ACSL4: variants seen among roughly 807,000 people sequenced by gnomAD.
ACSL4 encodes long-chain-fatty-acid--CoA ligase 4.
ACSL4 carries 9 observed loss-of-function variants against 49.1 expected under a neutral mutation model. The ratio of observed to expected loss-of-function variants is 0.18; its 90% CI spans 0.11 to 0.32. ACSL4 has a LOEUF of 0.32. Among genes scored for constraint, ACSL4 ranks in the 10% least tolerant of loss-of-function variants. The pLI, the probability that ACSL4 is intolerant of heterozygous loss-of-function variation, is 1.00. For missense variants in ACSL4, 333 were observed against 493.7 expected, an observed-to-expected ratio of 0.67 and a Z score of 3.08; for synonymous variants, 191 against 170.3, an observed-to-expected ratio of 1.12 and a Z score of -0.95.
Position 109,665,567 on chromosome X carries a change from G to A in ACSL4, c.1316-73C>T. The A allele has an allele frequency of 1.0e-5, 9 of 893,296 alleles. No individual in the cohort carries two copies. The South Asian group carries it at 1.8e-4, about 18-fold the overall frequency. 73.6% of individuals were successfully genotyped at this position (893,296 alleles called of 1,213,427 possible). ...TTGTACCAATGCACTGGGAATATTA[G>A]AGTTAGAACCAGAGTCAGAAAAATG... On this transcript the variant is annotated intron_variant, in intron 11 of 15. Transcript: ENST00000672401.
Position 109,644,036 on chromosome X carries a change from C to G in ACSL4, c.2006G>C (p.Gly669Ala). The G allele has an allele frequency of 2.5e-6, 3 of 1,211,297 alleles. No individual in the cohort carries two copies. The South Asian group carries it at 5.3e-5, about 21-fold the overall frequency. ...YLKDIERMYG[G>A]K ...CAATAAGACAACAACATTTTATTTG[C>G]CCCCATACATTCGTTCAATGTCTTT... Residue 669 changes from glycine (G) to alanine (A), a missense_variant, in exon 16 of 16, where the codon GGC (glycine) becomes GCC (alanine). By Grantham distance (60) the Gly-to-Ala change is moderately conservative. Around this residue, in one of 3 missense-constraint regions of ACSL4, gnomAD observed 175 missense variants for 275.8 expected, o/e 0.63. Transcript: ENST00000672401.
In ACSL4 at chrX:109,644,048, C is replaced by T. The variant is rs1934531273; in HGVS notation, c.1994G>A (p.Arg665Gln). The change falls in exon 16 of 16, where the codon CGA becomes CAA. Residue 665 changes from arginine to glutamine, a missense_variant. Coordinates refer to ENST00000672401, the MANE Select transcript of ACSL4 (RefSeq NM_001318510.2). ...AACATTTTATTTGCCCCCATACATT[C>T]GTTCAATGTCTTTGAGGTAATGGTT... ...LRNHYLKDIERMYGGK is the reference protein window; with the variant it reads ...LRNHYLKDIEQMYGGK The T allele has an allele frequency of 8.3e-7, 1 of 1,211,445 alleles. No individual in the cohort carries two copies. The highest frequency in any genetic ancestry group is 1.1e-6 in the Non-Finnish European group (1 of 895,292).
At chrX:109,715,233 G>C (rs1030407503) in intron 1 of ACSL4, among the ~76,000 whole-genome samples, 1 of 112,470 alleles carries the variant, frequency 8.9e-6, no homozygotes, top group African/African-American at 3.2e-5. Flanking sequence ...AAATTCCTTA[G>C]TTTAGTTAAT....
At chrX:109,672,652 A>T (rs777262507) in intron 9 of ACSL4, among the ~76,000 whole-genome samples, 1 of 109,476 alleles carries the variant, frequency 9.1e-6, no homozygotes, top group African/African-American at 3.3e-5. Flanking sequence ...TTTTTTTTTT[A>T]AATGGCCTAT....
chrX:109,653,109 G>A (rs1349734769), intron 15 of ACSL4, among the ~76,000 whole-genome samples: 3 of 111,383 alleles, frequency 2.7e-5, no homozygotes, highest in African/African-American at 9.8e-5. Flanking sequence ...AATATAAGCC[G>A]GTTCAGTTTT....
At chrX:109,658,175 T>C (rs1373689321) in intron 15 of ACSL4, among the ~76,000 whole-genome samples, 1 of 111,745 alleles carries the variant, frequency 8.9e-6, no homozygotes, top group East Asian at 2.8e-4. Flanking sequence ...GTATTTACCT[T>C]GTCGCTTCAG....
intron 11 of ACSL4, 26 bp from the exon 12 acceptor site, chrX:109,665,520 A>G: frequency 1.8e-6 from 2 of 1,109,590 alleles, no homozygotes; most frequent in Non-Finnish European, 2.5e-6. Context: ...TAACAGAGAT[A>G]TTAGCATACC....
intron 1 of ACSL4, among the ~76,000 whole-genome samples, chrX:109,723,578 T>C (rs936038163): frequency 8.9e-6 from 1 of 112,196 alleles, no homozygotes; most frequent in Non-Finnish European, 1.9e-5. Flanking sequence ...TTTTTTTATT[T>C]AATAACTCAA....
At chrX:109,696,816 G>GCCTTGAATC (rs1245539581) in intron 1 of ACSL4, among the ~76,000 whole-genome samples, 2 of 112,916 alleles carry the variant, frequency 1.8e-5, no homozygotes, top group Non-Finnish European at 1.9e-5. Flanking sequence ...ACCAAGGCAG[G>GCCTTGAATC]CAGATACCTT....
chrX:109,713,656 G>T (rs1477964160), intron 1 of ACSL4, among the ~76,000 whole-genome samples: 1 of 111,609 alleles, frequency 9.0e-6, no homozygotes, highest in Non-Finnish European at 1.9e-5. Flanking sequence ...CCACTGTAAT[G>T]ATAAGAGTGT....
At chrX:109,657,330 TA>T (rs1921752174) in intron 15 of ACSL4, among the ~76,000 whole-genome samples, 1 of 111,111 alleles carries the variant, frequency 9.0e-6, no homozygotes, top group African/African-American at 3.3e-5. Flanking sequence ...CCTCATCATT[TA>T]ACATTAGGTA....
chrX:109,704,516 C>T (rs1333311791), intron 1 of ACSL4, among the ~76,000 whole-genome samples: 1 of 111,615 alleles, frequency 9.0e-6, no homozygotes, highest in Non-Finnish European at 1.9e-5. Flanking sequence ...ACTGCAAGCA[C>T]ACAAATTTCA....
intron 15 of ACSL4, among the ~76,000 whole-genome samples, chrX:109,646,585 C>T (rs1934715024): frequency 9.3e-6 from 1 of 107,980 alleles, no homozygotes; most frequent in Non-Finnish European, 1.9e-5. Flanking sequence ...ATGTAAAGAC[C>T]ATTGAGACTA....
rs1922186178 is a variant in ACSL4, at chrX:109,661,637, T to C, written c.1591A>G (p.Lys531Glu). Residue 531 changes from lysine (K) to glutamate (E), a missense_variant, in exon 14 of 16, where the codon AAA becomes GAA. By Grantham distance (56) the Lys-to-Glu change is moderately conservative (BLOSUM62 1). This residue lies in a region of ACSL4 where 175 missense variants were observed against 275.8 expected (regional missense o/e 0.63). Coordinates refer to ENST00000672401, the MANE Select transcript of ACSL4 (RefSeq NM_001318510.2). ...DGCLQIIDRK[K>E]DLVKLQAGEY... is the part of the protein sequence containing the mutation. ...CCTGCTTGTAACTTCACTAGATCTT[T>C]CTTACGATCTGTTAAGTCATAAAGA... The C allele has an allele frequency of 8.6e-7, 1 of 1,163,564 alleles. No homozygotes were observed. The highest frequency in any genetic ancestry group is 2.2e-5 in the Admixed American group (1 of 45,453).
At chrX:109,698,920 C>T (rs1925653735) in intron 1 of ACSL4, among the ~76,000 whole-genome samples, 1 of 112,560 alleles carries the variant, frequency 8.9e-6, no homozygotes, top group African/African-American at 3.2e-5. Flanking sequence ...ATTTTGAAAA[C>T]ATTCTTCCAC....
Position 109,663,239 on chromosome X carries a change from G to A in ACSL4, c.1554C>T (p.Phe518=), listed in dbSNP as rs1299998178. The A allele has an allele frequency of 2.5e-6, 3 of 1,208,069 alleles. No individual in the cohort carries two copies. The Admixed American group carries it at 6.6e-5, about 26-fold the overall frequency. ...TAATCTGTAAACATCCATCGGGATG[G>A]AATTCTCCAATATCACCAGTGCAAA... The part of the protein sequence containing the change: ...RWFCTGDIGE[F]HPDGCLQIID... The change falls in exon 13 of 16, where the codon TTC becomes TTT. Residue 518 remains phenylalanine (F), a synonymous_variant. Transcript: ENST00000672401.
At chrX:109,658,305 A>G (rs1372877448) in intron 15 of ACSL4, among the ~76,000 whole-genome samples, 2 of 110,813 alleles carry the variant, frequency 1.8e-5, no homozygotes, top group Non-Finnish European at 3.8e-5. Flanking sequence ...TCACGCCCTC[A>G]TTACTCACCA....
At chrX:109,729,629 A>G (rs1928272777) in intron 1 of ACSL4, among the ~76,000 whole-genome samples, 1 of 112,111 alleles carries the variant, frequency 8.9e-6, no homozygotes, top group Admixed American at 9.5e-5. Flanking sequence ...ACAACTGTTC[A>G]TATGAGCTTT....
intron 1 of ACSL4, 96 bp downstream of exon 1, chrX:109,733,043 C>G: frequency 3.0e-6 from 1 of 330,553 alleles, no homozygotes; most frequent in Non-Finnish European, 5.9e-6. Context: ...CCTCCCGGCT[C>G]AGGTGAGGTA....
Sources: gnomAD v4.1 joint callset for allele counts (sites outside exome capture counted in the v4.1 genomes callset) on GRCh38, gnomAD v4.1.1 for gene constraint, gnomAD v4.1.1 regional missense constraint, MANE v1.5 for transcripts, NCBI Gene and HGNC (gene_info 2026-07-23, HGNC 2026-07-21) for gene names.